Variants in PAK3 observed in about 807,000 individuals in gnomAD.
PAK3 encodes p21 (RAC1) activated kinase 3.
In PAK3, 4 loss-of-function variants were observed where a neutral mutation model predicts 41.0. The observed-to-expected ratio is 0.10, with a 90% confidence interval of 0.05 to 0.22. The LOEUF (loss-of-function observed/expected upper bound fraction) is 0.22, where lower values mean the gene tolerates loss of function less well. PAK3 is among the 10% of genes least tolerant of loss of function. The pLI is 1.00. For missense variants in PAK3, 205 were observed against 409.9 expected (o/e 0.50, Z 4.32); for synonymous variants, 146 against 139.6 (o/e 1.05, Z -0.32).
chrX:111,028,876 T>C (rs1001005381), intron 1 of PAK3, among the ~76,000 whole-genome samples: 1 of 111,523 alleles, frequency 9.0e-6, no homozygotes, highest in African/African-American at 3.3e-5. Context: ...CTCATGCCTA[T>C]AATTTAAGCA....
intron 1 of PAK3, among the ~76,000 whole-genome samples, chrX:110,978,049 A>G (rs2091372274): frequency 8.9e-6 from 1 of 111,975 alleles, no homozygotes; most frequent in South Asian, 3.7e-4. Flanking sequence ...CACGTTGATG[A>G]ATTTCCTTCC....
chrX:111,058,848 C>T (rs1207060155), intron 1 of PAK3, among the ~76,000 whole-genome samples: 1 of 111,698 alleles, frequency 9.0e-6, no homozygotes, highest in Admixed American at 9.5e-5. Context: ...GTATATAAGA[C>T]AGTGGTCAAA....
At chrX:111,181,670 G>A (rs1208907905) in intron 11 of PAK3, among the ~76,000 whole-genome samples, 1 of 110,431 alleles carries the variant, frequency 9.1e-6, no homozygotes, top group African/African-American at 3.3e-5. Flanking sequence ...TAACAGTGTC[G>A]TTTAGAGAAC....
intron 10 of PAK3, among the ~76,000 whole-genome samples, chrX:111,172,285 C>T (rs1203458593): frequency 8.9e-6 from 1 of 112,060 alleles, no homozygotes; most frequent in Non-Finnish European, 1.9e-5. Context: ...GTAGTGTTAA[C>T]TCATTCTGGT....
At chrX:111,029,018 T>A (rs2092308836) in intron 1 of PAK3, among the ~76,000 whole-genome samples, 1 of 111,070 alleles carries the variant, frequency 9.0e-6, no homozygotes, top group African/African-American at 3.3e-5. Flanking sequence ...ACTCCTGTAA[T>A]CCCAGCTATT....
intron 11 of PAK3, among the ~76,000 whole-genome samples, chrX:111,190,313 C>T (rs954580718): frequency 5.4e-5 from 6 of 111,589 alleles, no homozygotes; most frequent in African/African-American, 9.8e-5. Flanking sequence ...CAGACAGACA[C>T]GGGTTGTTAA....
chrX:111,061,674 T>C (rs1294491743), intron 1 of PAK3, among the ~76,000 whole-genome samples: 11 of 112,075 alleles, frequency 9.8e-5, no homozygotes, highest in Admixed American at 9.5e-4. Flanking sequence ...ACTTTAACCA[T>C]TTTTGGTCAG....
intron 1 of PAK3, among the ~76,000 whole-genome samples, chrX:111,058,979 T>C (rs1041597695): frequency 1.8e-5 from 2 of 111,352 alleles, no homozygotes; most frequent in African/African-American, 6.5e-5. Context: ...TAGCTATCTA[T>C]CCTTATGCCA....
At chrX:110,993,047 G>A (rs1259902673) in intron 1 of PAK3, among the ~76,000 whole-genome samples, 2 of 111,663 alleles carry the variant, frequency 1.8e-5, no homozygotes, top group Non-Finnish European at 3.8e-5. Flanking sequence ...CTCTTAAAAT[G>A]TGATGTCTAA....
chrX:111,178,980 T>TAGAGAGAGAGAGAGAG lies in PAK3; in HGVS notation c.830+5910_830+5911insGAGAGAGAGAGAGAGA, dbSNP rs1556239020. 6.1e-3 allele frequency among the ~76,000 whole-genome samples: 558 copies of TAGAGAGAGAGAGAGAG among 91,585 alleles called. 9 individuals are homozygous for TAGAGAGAGAGAGAGAG. The highest frequency in any genetic ancestry group is 0.021 in the African/African-American group (533 of 24,882). The allele number at this position is 91,585 out of a possible 115,157, so 79.5% of individuals were successfully genotyped here. A position where few individuals can be genotyped will look rare whatever the true frequency, so the allele number is the denominator to read the frequency against. ...TGTTTTATATATATATATATATATA[T>TAGAGAGAGAGAGAGAG]AGAGAGAGAGATATCTGTATATCTA... On this transcript the variant is annotated intron_variant, in intron 11 of 17. Transcript: ENST00000372007.
intron 1 of PAK3, among the ~76,000 whole-genome samples, chrX:111,006,857 T>TTCTTTCTTTCTTTC (rs1569504978): frequency 4.1e-5 from 1 of 24,145 alleles, no homozygotes; most frequent in Non-Finnish European, 1.3e-4. Context: ...TTCTTTTTTT[T>TTCTTTCTTTCTTTC]TTTTTTTGAT....
chrX:111,025,060 A>G lies in PAK3; in HGVS notation c.-28+80432A>G, dbSNP rs774283013. Among the ~76,000 whole-genome samples, 3 of 111,653 alleles carry G rather than the reference A, an allele frequency of 2.7e-5. No individual in the cohort carries two copies. The East Asian group carries it at 8.5e-4, about 31-fold the overall frequency. On this transcript the variant is annotated intron_variant, in intron 1 of 14. Coordinates refer to the PAK3 transcript ENST00000425146. Reference sequence around the variant, plus strand: ...AGTCCTGAATGATCCTTGGGTAAACAATGAAATTCATATGGAAATTAAAAT... The same window carrying G: ...AGTCCTGAATGATCCTTGGGTAAACGATGAAATTCATATGGAAATTAAAAT...
chrX:111,220,689 G>A lies in PAK3; in HGVS notation c.*242G>A, dbSNP rs1411552120. 22 of 382,661 alleles carry A rather than the reference G, an allele frequency of 5.7e-5. No individual in the cohort carries two copies. Among genetic ancestry groups the A allele is most frequent in the Middle Eastern group, 7.2e-4 (1 of 1,381 alleles). The allele number at this position is 382,661 out of a possible 1,213,427, so 31.5% of individuals were successfully genotyped here. ...TGACCATAAAGTGGTCACTTCCACC[G>A]TGAAGCGAAAGAGCCAGTAGTGAAT... On this transcript the variant is annotated 3_prime_UTR_variant, in exon 18 of 18. Transcript: ENST00000372007.
chrX:111,140,289 C>G (rs1435443148), intron 5 of PAK3, among the ~76,000 whole-genome samples: 2 of 111,410 alleles, frequency 1.8e-5, no homozygotes, highest in African/African-American at 6.5e-5. Flanking sequence ...CAATGACAAT[C>G]AAAGAAAGAA....
intron 1 of PAK3, among the ~76,000 whole-genome samples, chrX:111,035,482 T>G (rs1388627561): frequency 8.9e-6 from 1 of 111,790 alleles, no homozygotes; most frequent in Admixed American, 9.5e-5. Flanking sequence ...GATGCCATGC[T>G]GGGGACTGAA....
chrX:111,213,023 G>A (rs2094838106), intron 16 of PAK3, among the ~76,000 whole-genome samples: 1 of 112,034 alleles, frequency 8.9e-6, no homozygotes, highest in Admixed American at 9.5e-5. Context: ...TGATATTTAT[G>A]AAGAATTTTT....
At chrX:111,018,367 A>G (rs923447729) in intron 1 of PAK3, among the ~76,000 whole-genome samples, 1 of 112,402 alleles carries the variant, frequency 8.9e-6, no homozygotes, top group Admixed American at 9.5e-5. Context: ...AAAAACTATT[A>G]GAACTAATAA....
chrX:111,208,407 CTAG>C (rs2094779466), intron 16 of PAK3, among the ~76,000 whole-genome samples: 1 of 112,398 alleles, frequency 8.9e-6, no homozygotes, highest in Non-Finnish European at 1.9e-5. Context: ...CATTCACTCA[CTAG>C]TCACTCAGTG....
chrX:111,053,712 C>T (rs994145897), intron 1 of PAK3, among the ~76,000 whole-genome samples: 2 of 110,763 alleles, frequency 1.8e-5, no homozygotes, highest in African/African-American at 6.6e-5. Context: ...GAGCTCTTTC[C>T]TCTTTCCTTG....
Sources: allele counts gnomAD v4.1 joint callset (sites outside exome capture counted in the v4.1 genomes callset), GRCh38; gene constraint gnomAD v4.1.1; transcripts MANE v1.5; gene names NCBI Gene and HGNC (gene_info 2026-07-23, HGNC 2026-07-21).